Variants in KCNMA1 observed in about 807,000 individuals in gnomAD.
KCNMA1 encodes the protein Calcium-activated potassium channel subunit alpha-1.
Under a neutral mutation model 140.0 loss-of-function variants are expected in KCNMA1, and 29 were observed. That is an observed-to-expected ratio of 0.21 (90% confidence interval 0.15 to 0.28). KCNMA1 has a LOEUF of 0.28. KCNMA1 is among the 10% of genes least tolerant of loss of function. KCNMA1 has a pLI of 1.00. For missense variants in KCNMA1, 880 were observed against 1,602.2 expected, an observed-to-expected ratio of 0.55 and a Z score of 7.70; for synonymous variants, 612 against 611.9, an observed-to-expected ratio of 1.00 and a Z score of 0.00.
At chr10:77,457,740 C>T (rs2097784384) in intron 1 of KCNMA1, among the ~76,000 whole-genome samples, 1 of 152,034 alleles carries the variant, frequency 6.6e-6, no homozygotes, top group East Asian at 1.9e-4. Flanking sequence ...TTCTGAGAGC[C>T]TGGTAGCTTC....
At chr10:77,282,462 A>G (rs754195034) in intron 2 of KCNMA1, among the ~76,000 whole-genome samples, 15 of 152,138 alleles carry the variant, frequency 9.9e-5, no homozygotes, top group African/African-American at 3.6e-4. Flanking sequence ...TCTCAAGCCA[A>G]GCATTCTTCT....
intron 2 of KCNMA1, among the ~76,000 whole-genome samples, chr10:77,253,350 C>T (rs923553327): frequency 2.8e-4 from 43 of 152,344 alleles, no homozygotes; most frequent in African/African-American, 1.0e-3. Flanking sequence ...CACCCAAAGC[C>T]ACTGTTGCAG....
chr10:77,393,257 G>C (rs1310450942), intron 2 of KCNMA1, among the ~76,000 whole-genome samples: 3 of 134,486 alleles, frequency 2.2e-5, no homozygotes, highest in African/African-American at 8.6e-5. Context: ...AGATGTCTGG[G>C]TTTGGGGAGG....
chr10:77,257,082 C>T (rs544342764), intron 2 of KCNMA1, among the ~76,000 whole-genome samples: 4 of 152,200 alleles, frequency 2.6e-5, no homozygotes, highest in Admixed American at 1.3e-4. Flanking sequence ...TACACTCCAA[C>T]GTGGGTGACA....
intron 5 of KCNMA1, among the ~76,000 whole-genome samples, chr10:77,157,733 C>T (rs760006424): frequency 7.2e-5 from 11 of 152,214 alleles, no homozygotes; most frequent in Middle Eastern, 3.4e-3. Flanking sequence ...CTGCCTTCAG[C>T]GAGGCGAGCC....
At chr10:77,503,052 G>A (rs1163795498) in intron 1 of KCNMA1, among the ~76,000 whole-genome samples, 2 of 152,096 alleles carry the variant, frequency 1.3e-5, no homozygotes, top group African/African-American at 4.8e-5. Flanking sequence ...AGGAGTTTGA[G>A]ACAAGCCTAG....
At chr10:76,962,541 T>C (rs935956375) in intron 20 of KCNMA1, among the ~76,000 whole-genome samples, 7 of 152,170 alleles carry the variant, frequency 4.6e-5, no homozygotes, top group African/African-American at 1.4e-4. Context: ...GGCACCATGA[T>C]GGGGCTAACA....
At chr10:77,331,700 A>T (rs1476150982) in intron 2 of KCNMA1, among the ~76,000 whole-genome samples, 4 of 151,536 alleles carry the variant, frequency 2.6e-5, no homozygotes, top group African/African-American at 9.7e-5. Flanking sequence ...CTGTGGTTCC[A>T]GCTGCTTGGG....
chr10:76,967,975 C>T (rs1485337404), intron 20 of KCNMA1, among the ~76,000 whole-genome samples: 14 of 152,118 alleles, frequency 9.2e-5, no homozygotes, highest in Admixed American at 7.2e-4. Flanking sequence ...TTCAAAAACC[C>T]ACAGCCAATC....
chr10:77,352,613 C>T (rs1206165422), intron 2 of KCNMA1, among the ~76,000 whole-genome samples: 1 of 146,230 alleles, frequency 6.8e-6, no homozygotes, highest in African/African-American at 2.6e-5. Context: ...TAGGATCTTG[C>T]AGTACAGGGT....
chr10:77,494,938 G>A (rs558453658), intron 1 of KCNMA1, among the ~76,000 whole-genome samples: 1 of 152,208 alleles, frequency 6.6e-6, no homozygotes, highest in South Asian at 2.1e-4. Flanking sequence ...TTCTCCCTGT[G>A]TGCATGTCTG....
chr10:77,337,421 C>A, intron 2 of KCNMA1, among the ~76,000 whole-genome samples: 1 of 152,162 alleles, frequency 6.6e-6, no homozygotes, highest in East Asian at 1.9e-4. Flanking sequence ...GAGTTCCAGA[C>A]CTGCATGGGC....
intron 3 of KCNMA1, chr10:77,249,281 G>A (rs182399472): frequency 2.6e-4 from 39 of 152,304 alleles, no homozygotes; most frequent in African/African-American, 8.4e-4. Flanking sequence ...AAAGCCAAAG[G>A]ACATTGAGAT....
intron 1 of KCNMA1, among the ~76,000 whole-genome samples, chr10:77,548,249 A>G (rs1321134562): frequency 1.3e-5 from 2 of 152,190 alleles, no homozygotes; most frequent in African/African-American, 4.8e-5. Context: ...CAGAAAGGCA[A>G]TCTGTGCACC....
intron 14 of KCNMA1, among the ~76,000 whole-genome samples, chr10:77,046,766 T>C (rs1400850433): frequency 6.6e-6 from 1 of 152,180 alleles, no homozygotes; most frequent in African/African-American, 2.4e-5. Flanking sequence ...TTCAGTATAA[T>C]TGCAAATCCT....
intron 1 of KCNMA1, among the ~76,000 whole-genome samples, chr10:77,560,974 C>T (rs2066176738): frequency 6.6e-6 from 1 of 152,048 alleles, no homozygotes; most frequent in Admixed American, 6.6e-5. Flanking sequence ...AGCCCTGGGA[C>T]TACTGGAAAA....
chr10:77,320,598 AG>A, intron 2 of KCNMA1, among the ~76,000 whole-genome samples: 1 of 152,326 alleles, frequency 6.6e-6, no homozygotes, highest in African/African-American at 2.4e-5. Context: ...TCCCTGGGCC[AG>A]GATGCACACA....
At chr10:76,914,402 A>G (rs1451561220) in intron 24 of KCNMA1, 1 of 517,470 alleles carries the variant, frequency 1.9e-6, no homozygotes, top group South Asian at 2.9e-5. Flanking sequence ...TGGGGGCCAG[A>G]ATGGCATTTG....
In KCNMA1 at chr10:77,397,011, A is replaced by G. The variant is rs940041382; in HGVS notation, c.540+6851T>C. Among the ~76,000 whole-genome samples the G allele has an allele frequency of 2.2e-5, 3 of 137,448 alleles. No individual in the cohort carries two copies. The East Asian group carries it at 6.6e-4, about 30-fold the overall frequency. The allele number at this position is 137,448 out of a possible 152,430, so 90.2% of individuals were successfully genotyped here. ...CTAGGCAGTGTAGATGTCGCTCCCA[A>G]GTTGAGGTGAGGCTGTCCTTCACCA... is the stretch of plus-strand genomic sequence containing the variant. On this transcript the variant is annotated intron_variant, in intron 2 of 27. Coordinates refer to ENST00000286628, the MANE Select transcript of KCNMA1 (RefSeq NM_001161352.2).
Sources: allele counts gnomAD v4.1 joint callset (sites outside exome capture counted in the v4.1 genomes callset), GRCh38; gene constraint gnomAD v4.1.1; transcripts MANE v1.5; gene names NCBI Gene and HGNC (gene_info 2026-07-23, HGNC 2026-07-21).